The following BACH2 variants were observed in gnomAD, a reference collection of about 807,000 sequenced individuals.
BACH2 encodes transcription regulator protein BACH2.
In BACH2, 5 loss-of-function variants were observed where a neutral mutation model predicts 61.8. The ratio of observed to expected loss-of-function variants is 0.08; its 90% CI spans 0.04 to 0.17. BACH2 has a LOEUF of 0.17. Ranked by LOEUF, BACH2 falls within the 10% of genes least tolerant of loss-of-function variation. BACH2 has a pLI of 1.00. For synonymous variants in BACH2, 446 were observed against 440.1 expected (o/e 1.01, Z -0.17); for missense variants, 824 against 1,091.1 (o/e 0.76, Z 3.45).
chr6:89,958,879 G>T (rs1449285771), intron 6 of BACH2, among the ~76,000 whole-genome samples: 5 of 151,918 alleles, frequency 3.3e-5, no homozygotes, highest in African/African-American at 1.2e-4. Flanking sequence ...ATTCACAATT[G>T]CCCTCCCCTA....
chr6:90,291,614 A>G (rs1005954023), intron 1 of BACH2, among the ~76,000 whole-genome samples: 3 of 82,852 alleles, frequency 3.6e-5, no homozygotes, highest in Non-Finnish European at 1.1e-4. Flanking sequence ...CATCACAAAC[A>G]AAAAAAAAAA....
At chr6:90,228,020 T>C (rs1769972329) in intron 3 of BACH2, among the ~76,000 whole-genome samples, 1 of 152,250 alleles carries the variant, frequency 6.6e-6, no homozygotes, top group Non-Finnish European at 1.5e-5. Flanking sequence ...TGTCTCTTTT[T>C]ATCCACAAAA....
chr6:90,072,884 T>C (rs1037580611), intron 5 of BACH2, among the ~76,000 whole-genome samples: 1 of 152,076 alleles, frequency 6.6e-6, no homozygotes, highest in East Asian at 1.9e-4. Flanking sequence ...CACTTGTCCT[T>C]CTAAAAAAAA....
chr6:90,056,384 C>T (rs1780352423), intron 5 of BACH2, among the ~76,000 whole-genome samples: 4 of 152,128 alleles, frequency 2.6e-5, no homozygotes, highest in African/African-American at 9.7e-5. Flanking sequence ...AAGGCCATTA[C>T]ATAATGGTAA....
chr6:90,157,559 T>G (rs769210834), intron 4 of BACH2, among the ~76,000 whole-genome samples: 8 of 152,208 alleles, frequency 5.3e-5, no homozygotes, highest in Non-Finnish European at 1.0e-4. Context: ...CTGGGTTCTT[T>G]CCATCTTTCG....
chr6:90,277,030 T>C (rs2325292), intron 1 of BACH2, among the ~76,000 whole-genome samples: 41,320 of 152,074 alleles, frequency 0.27, 6,093 homozygotes, highest in Non-Finnish European at 0.34. Flanking sequence ...TATTTTGATA[T>C]ACTATTCAAG....
intron 7 of BACH2, among the ~76,000 whole-genome samples, chr6:89,947,626 C>T (rs947453583): frequency 1.3e-4 from 19 of 151,632 alleles, no homozygotes; most frequent in African/African-American, 1.9e-4. Flanking sequence ...AGTGCAGCGG[C>T]GCGATCTCGG....
At position 89,929,761 on chromosome 6, in the gene BACH2, A is replaced by G. The variant is rs1403856239; in HGVS notation, c.*2647T>C. 6.6e-6 allele frequency: 1 copy of G among 152,376 alleles called. No homozygotes were observed. The highest frequency in any genetic ancestry group is 1.5e-5 in the Non-Finnish European group (1 of 68,058). The allele number at this position is 152,376 out of a possible 1,614,324, so 9.4% of individuals were successfully genotyped here. On this transcript the variant is annotated 3_prime_UTR_variant, in exon 9 of 9. Transcript: ENST00000257749. Reference sequence around the variant, plus strand: ...CTGAGGAAATGGATGGAATGTGGTCAAGACTACCAGTTGCACATGAGTTGT... The same window carrying G: ...CTGAGGAAATGGATGGAATGTGGTCGAGACTACCAGTTGCACATGAGTTGT...
chr6:90,281,743 T>C (rs1193172486), intron 1 of BACH2, among the ~76,000 whole-genome samples: 1 of 152,198 alleles, frequency 6.6e-6, no homozygotes, highest in Non-Finnish European at 1.5e-5. Context: ...TTTTATTTGT[T>C]TAACAAACAC....
chr6:90,024,435 G>A (rs1778533077), intron 5 of BACH2, among the ~76,000 whole-genome samples: 1 of 152,184 alleles, frequency 6.6e-6, no homozygotes. Flanking sequence ...TAAGAAATCT[G>A]AGCCCAGGCC....
chr6:90,116,619 TAA>T (rs546401162), intron 4 of BACH2: 47 of 243,674 alleles, frequency 1.9e-4, no homozygotes, highest in Non-Finnish European at 3.1e-4. Context: ...AAATAAAAAT[TAA>T]AAAAAGAGAA....
chr6:90,173,118 T>TAA (rs988196219), intron 4 of BACH2, among the ~76,000 whole-genome samples: 1 of 136,704 alleles, frequency 7.3e-6, no homozygotes. Flanking sequence ...GAACTATATT[T>TAA]AAAAAAAAAA....
At chr6:90,295,939 C>T (rs981398583) in intron 1 of BACH2, among the ~76,000 whole-genome samples, 4 of 152,124 alleles carry the variant, frequency 2.6e-5, no homozygotes, top group African/African-American at 9.6e-5. Context: ...AGCGCAAAGG[C>T]GCCGCGGCCA....
intron 5 of BACH2, among the ~76,000 whole-genome samples, chr6:90,016,524 G>A (rs1382968800): frequency 6.6e-6 from 1 of 151,942 alleles, no homozygotes; most frequent in East Asian, 1.9e-4. Flanking sequence ...CTACCTTCCA[G>A]TGATATCATA....
chr6:90,014,564 C>A lies in BACH2; in HGVS notation c.-12-5708G>T, dbSNP rs1582199361. On this transcript the variant is annotated intron_variant, in intron 5 of 8. Transcript: ENST00000257749. ...TCTTGGCTCACTGCAAACTCCACCT[C>A]CTGGATTCACAAGTGATTCTCCTGC... is the stretch of plus-strand genomic sequence containing the variant. 2.1e-5 allele frequency among the ~76,000 whole-genome samples: 3 copies of A among 146,154 alleles called. 1 individual carries two copies.
chr6:90,189,326 C>T (rs1006299101), intron 4 of BACH2, among the ~76,000 whole-genome samples: 6 of 152,018 alleles, frequency 3.9e-5, no homozygotes, highest in Non-Finnish European at 8.8e-5. Flanking sequence ...AGTGGGCTTC[C>T]GGCCGGGCGC....
intron 1 of BACH2, among the ~76,000 whole-genome samples, chr6:90,277,781 A>G (rs745665681): frequency 6.6e-6 from 1 of 152,248 alleles, no homozygotes; most frequent in Non-Finnish European, 1.5e-5. Context: ...TAATTATTCA[A>G]TCTTAGCTTC....
At chr6:89,979,950 T>C (rs1775860557) in intron 6 of BACH2, among the ~76,000 whole-genome samples, 1 of 152,166 alleles carries the variant, frequency 6.6e-6, no homozygotes, top group Middle Eastern at 3.2e-3. Context: ...GTAGTGCAAA[T>C]ATGAACTGAA....
At chr6:90,048,126 T>C (rs1375373516) in intron 5 of BACH2, among the ~76,000 whole-genome samples, 1 of 152,052 alleles carries the variant, frequency 6.6e-6, no homozygotes, top group Non-Finnish European at 1.5e-5. Flanking sequence ...TCTTTCTATT[T>C]TTTTTTTATT....
Sources: allele counts gnomAD v4.1 joint callset (sites outside exome capture counted in the v4.1 genomes callset), GRCh38; gene constraint gnomAD v4.1.1; transcripts MANE v1.5; gene names NCBI Gene and HGNC (gene_info 2026-07-23, HGNC 2026-07-21).